The following INSC variants were observed in gnomAD, a reference collection of about 807,000 sequenced individuals.
The protein encoded by INSC is INSC spindle orientation adaptor protein.
A neutral mutation model predicts 58.6 loss-of-function variants in INSC; 67 were observed. The observed-to-expected ratio is 1.14, with a 90% CI of 0.94 to 1.40. The LOEUF (loss-of-function observed/expected upper bound fraction) is 1.40. Among genes scored for constraint, INSC ranks in the 40% most tolerant of loss-of-function variants. The probability of loss-of-function intolerance (pLI) is 0.00; values close to 1 mark genes in which losing one functional copy is unlikely to be tolerated. For missense variants in INSC, 714 were observed against 692.0 expected, an observed-to-expected ratio of 1.03 and a Z score of -0.36; for synonymous variants, 262 against 276.1, an observed-to-expected ratio of 0.95 and a Z score of 0.51.
rs12294727 is a variant in INSC at position 15,122,024 on chromosome 11, A to C, written c.-46+7021A>C. ...TGTCTGAAGAGCCCTGGATCCTTTT[A>C]GTCGAAAATGGTATTTAGAAACCAA... is the stretch of plus-strand genomic sequence containing the variant. On this transcript the variant is annotated intron_variant, in intron 1 of 12. Coordinates refer to ENST00000379556, the MANE Select transcript of INSC (RefSeq NM_001042536.3). Among the ~76,000 whole-genome samples, 594 of 152,298 alleles carry C rather than the reference A, an allele frequency of 3.9e-3. 8 individuals carry two copies. Among genetic ancestry groups the C allele is most frequent in the African/African-American group, 0.013 (549 of 41,574 alleles).
Position 15,224,338 on chromosome 11 carries a change from A to G in INSC, c.992-1312A>G, listed in dbSNP as rs555423742. Among the ~76,000 whole-genome samples, 850 of 152,318 alleles carry G rather than the reference A, an allele frequency of 5.6e-3. 7 individuals carry two copies. Among genetic ancestry groups the G allele is most frequent in the South Asian group, 9.3e-3 (45 of 4,826 alleles). ...CAAGGCCCACTGCAGGTGTTTGACT[A>G]ATGTTATTGGTAGAAAAAGGGTTTT... On this transcript the variant is annotated intron_variant, in intron 8 of 12. Transcript: ENST00000379556.
At chr11:15,258,895 G>A in the INSC span, among the ~76,000 whole-genome samples, 2 of 152,176 alleles carry the variant, frequency 1.3e-5, no homozygotes, top group African/African-American at 4.8e-5. Context: ...GATAGTCTCA[G>A]CAACACAAAT....
At chr11:15,263,212 A>C in the INSC span, among the ~76,000 whole-genome samples, 3 of 152,136 alleles carry the variant, frequency 2.0e-5, no homozygotes, top group Non-Finnish European at 2.9e-5. Flanking sequence ...GATTAAGAAA[A>C]ATTGAACACA....
chr11:15,193,408 A>G (rs1850252427), intron 6 of INSC, among the ~76,000 whole-genome samples: 1 of 152,124 alleles, frequency 6.6e-6, no homozygotes, highest in South Asian at 2.1e-4. Context: ...CTCGTCATTT[A>G]CTTTAGGTAT....
At chr11:15,183,627 C>T (rs1446591590) in intron 5 of INSC, among the ~76,000 whole-genome samples, 4 of 152,160 alleles carry the variant, frequency 2.6e-5, no homozygotes, top group Non-Finnish European at 5.9e-5. Flanking sequence ...TTAGGACACA[C>T]ATTAAAATGC....
intron 7 of INSC, among the ~76,000 whole-genome samples, chr11:15,220,417 C>T (rs937892699): frequency 6.6e-6 from 1 of 152,182 alleles, no homozygotes; most frequent in Non-Finnish European, 1.5e-5. Flanking sequence ...TTGACAAGCT[C>T]CTGCCCTCTT....
chr11:15,204,854 G>T (rs1850735816), intron 7 of INSC, among the ~76,000 whole-genome samples: 1 of 152,180 alleles, frequency 6.6e-6, no homozygotes, highest in African/African-American at 2.4e-5. Context: ...CGTCTCTGTT[G>T]TGCAGCTTCC....
intron 2 of INSC, among the ~76,000 whole-genome samples, chr11:15,154,943 T>G (rs1179929962): frequency 6.6e-6 from 1 of 152,202 alleles, no homozygotes; most frequent in African/African-American, 2.4e-5. Context: ...GGGATGGACA[T>G]TTCAAGGCAT....
chr11:15,156,550 G>A (rs1848820737), intron 2 of INSC, among the ~76,000 whole-genome samples: 1 of 152,186 alleles, frequency 6.6e-6, no homozygotes, highest in South Asian at 2.1e-4. Flanking sequence ...GGTTAATTAA[G>A]CCATTAAGAT....
At chr11:15,238,802 A>G in intron 10 of INSC, 117 bp from the exon 11 acceptor site, 1 of 985,140 alleles carries the variant, frequency 1.0e-6, no homozygotes. Context: ...TGTGGGTGAG[A>G]CCCCTGAAGT....
chr11:15,173,243 A>T (rs775224577), intron 2 of INSC, among the ~76,000 whole-genome samples: 4 of 152,240 alleles, frequency 2.6e-5, no homozygotes, highest in Non-Finnish European at 4.4e-5. Context: ...TTAAGTAAGA[A>T]GATCAAAATG....
the INSC span, among the ~76,000 whole-genome samples, chr11:15,255,165 ATATTT>A: frequency 2.6e-5 from 4 of 152,282 alleles, no homozygotes; most frequent in African/African-American, 7.2e-5. Context: ...TGGTACACAT[ATATTT>A]TATTTTATTT....
chr11:15,183,371 C>A (rs919536883), intron 5 of INSC, among the ~76,000 whole-genome samples: 37 of 144,228 alleles, frequency 2.6e-4, no homozygotes, highest in African/African-American at 8.1e-4. Context: ...AAAAAAAAAA[C>A]CAGAAAAAAA....
chr11:15,219,037 G>T (rs1313129389), intron 7 of INSC, among the ~76,000 whole-genome samples: 1 of 152,168 alleles, frequency 6.6e-6, no homozygotes, highest in East Asian at 1.9e-4. Flanking sequence ...GGGGACAGGG[G>T]AGCAGACAGA....
chr11:15,142,393 TGCTCTTCCTTGTGCCCTGCAC>T (rs938021150), intron 1 of INSC, among the ~76,000 whole-genome samples: 2 of 152,184 alleles, frequency 1.3e-5, no homozygotes, highest in Non-Finnish European at 2.9e-5. Context: ...CTGTGTCAAA[TGCTCTTCCTTGTGCCCTGCAC>T]GCTCTTCCTT....
At chr11:15,223,061 G>T (rs1414662962) in intron 8 of INSC, among the ~76,000 whole-genome samples, 15 of 152,224 alleles carry the variant, frequency 9.9e-5, no homozygotes, top group Admixed American at 9.8e-4. Flanking sequence ...CCAGGTGGAA[G>T]AATAAAGGTG....
intron 1 of INSC, among the ~76,000 whole-genome samples, chr11:15,146,680 G>T (rs1848500899): frequency 6.6e-6 from 1 of 152,206 alleles, no homozygotes; most frequent in African/African-American, 2.4e-5. Context: ...CCTTGTTCCT[G>T]CTGTGTTCTA....
chr11:15,201,195 G>A (rs983999567), intron 7 of INSC, among the ~76,000 whole-genome samples: 1 of 152,170 alleles, frequency 6.6e-6, no homozygotes, highest in African/African-American at 2.4e-5. Context: ...CACTTCCTGG[G>A]TGGGGTGACA....
chr11:15,132,322 G>A (rs73414683), intron 1 of INSC, among the ~76,000 whole-genome samples: 3,286 of 152,182 alleles, frequency 0.022, 97 homozygotes, highest in African/African-American at 0.068. Flanking sequence ...GTCTTGCTCT[G>A]TTGCCCAAGC....
Sources: allele counts gnomAD v4.1 joint callset (sites outside exome capture counted in the v4.1 genomes callset), GRCh38; gene constraint gnomAD v4.1.1; transcripts MANE v1.5; gene names NCBI Gene and HGNC (gene_info 2026-07-23, HGNC 2026-07-21).